Variants in FUT9 observed in about 807,000 individuals in gnomAD.
FUT9 encodes 4-galactosyl-N-acetylglucosaminide 3-alpha-L-fucosyltransferase 9.
Under a neutral mutation model 29.7 loss-of-function variants are expected in FUT9, and 15 were observed. That is an observed-to-expected ratio of 0.51 (90% CI 0.34 to 0.78). The LOEUF is 0.78. Ranked by LOEUF, FUT9 falls within the 30% of genes least tolerant of loss-of-function variation. The probability of loss-of-function intolerance (pLI) is 0.01; values close to 1 mark genes in which losing one functional copy is unlikely to be tolerated. For synonymous variants in FUT9, 169 were observed against 153.7 expected (o/e 1.10, Z -0.74); for missense variants, 319 against 425.4 (o/e 0.75, Z 2.20).
chr6:96,140,927 A>C (rs1266079274), intron 2 of FUT9, among the ~76,000 whole-genome samples: 1 of 152,230 alleles, frequency 6.6e-6, no homozygotes, highest in African/African-American at 2.4e-5. Context: ...GTTACATTTG[A>C]ATGATAAACA....
At chr6:96,143,910 T>A (rs1191152912) in intron 2 of FUT9, among the ~76,000 whole-genome samples, 1 of 152,102 alleles carries the variant, frequency 6.6e-6, no homozygotes, top group African/African-American at 2.4e-5. Flanking sequence ...CCCAACTGCT[T>A]TTAATTTTTA....
intron 1 of FUT9, chr6:96,037,196 G>A (rs976244043): frequency 1.3e-5 from 2 of 151,980 alleles, no homozygotes; most frequent in East Asian, 3.9e-4. Flanking sequence ...AGAGGCTTAT[G>A]AAGACCTAAT....
intron 1 of FUT9, among the ~76,000 whole-genome samples, chr6:96,060,183 A>G (rs1258082329): frequency 1.3e-5 from 2 of 152,188 alleles, no homozygotes; most frequent in African/African-American, 4.8e-5. Context: ...TTAGTGTCAA[A>G]CTGAACAGAT....
At position 96,214,575 on chromosome 6, in the gene FUT9, A is replaced by C. The variant is rs1381937627; in HGVS notation, c.*10340A>C. ...TAACAAAAATTATTCCATTTAATGA[A>C]GGGTTTGTTTTGTTTAGCTTTTCTC... On this transcript the variant is annotated 3_prime_UTR_variant, in exon 3 of 3. Transcript: ENST00000302103. 6.0e-6 allele frequency: 1 copy of C among 166,814 alleles called. No individual in the cohort carries two copies. Among genetic ancestry groups the C allele is most frequent in the African/African-American group, 2.4e-5 (1 of 41,438 alleles). 10.3% of individuals were successfully genotyped at this position (166,814 alleles called of 1,614,324 possible). A position where few individuals can be genotyped will look rare whatever the true frequency, so the allele number is the denominator to read the frequency against.
chr6:96,197,619 T>C (rs1343911830), intron 2 of FUT9, among the ~76,000 whole-genome samples: 1 of 152,154 alleles, frequency 6.6e-6, no homozygotes, highest in East Asian at 1.9e-4. Context: ...TTAGGAATGG[T>C]TTAATAGTAC....
At chr6:96,060,493 A>T (rs1377930738) in intron 1 of FUT9, among the ~76,000 whole-genome samples, 1 of 151,914 alleles carries the variant, frequency 6.6e-6, no homozygotes, top group East Asian at 1.9e-4. Flanking sequence ...TTTTATTCAC[A>T]TTAAAGTTTA....
At chr6:96,050,113 C>T (rs1216334446) in intron 1 of FUT9, among the ~76,000 whole-genome samples, 3 of 152,066 alleles carry the variant, frequency 2.0e-5, no homozygotes, top group African/African-American at 7.2e-5. Context: ...TGCTCATATG[C>T]ATGCTCCATC....
At chr6:96,164,978 T>G (rs972760206) in intron 2 of FUT9, among the ~76,000 whole-genome samples, 3 of 152,164 alleles carry the variant, frequency 2.0e-5, no homozygotes, top group African/African-American at 7.2e-5. Flanking sequence ...TTTCTATTAG[T>G]CAGAGATGGG....
At chr6:96,083,702 A>T (rs1464807858) in intron 1 of FUT9, among the ~76,000 whole-genome samples, 2 of 152,062 alleles carry the variant, frequency 1.3e-5, no homozygotes, top group Admixed American at 6.6e-5. Context: ...CCATTTATTG[A>T]TCTGAGCTTT....
intron 1 of FUT9, among the ~76,000 whole-genome samples, chr6:96,094,690 T>A (rs1206858156): frequency 6.6e-6 from 1 of 152,112 alleles, no homozygotes; most frequent in East Asian, 1.9e-4. Flanking sequence ...AGAAATAGCT[T>A]TTTTATTGCT....
chr6:96,028,331 G>T (rs766398432), intron 1 of FUT9, among the ~76,000 whole-genome samples: 4 of 151,476 alleles, frequency 2.6e-5, no homozygotes, highest in African/African-American at 4.8e-5. Flanking sequence ...TTAACTGTTC[G>T]ACTGGTACAA....
intron 2 of FUT9, among the ~76,000 whole-genome samples, chr6:96,139,669 C>G (rs1772425167): frequency 6.6e-6 from 1 of 152,170 alleles, no homozygotes; most frequent in Admixed American, 6.5e-5. Context: ...ACCCTCAATT[C>G]TTGACTTCTG....
intron 2 of FUT9, among the ~76,000 whole-genome samples, chr6:96,134,366 A>G (rs1278607772): frequency 6.6e-6 from 1 of 151,826 alleles, no homozygotes; most frequent in Non-Finnish European, 1.5e-5. Context: ...TAAGTCAATA[A>G]TACTGTTTTT....
chr6:96,091,805 T>G (rs1039124993), intron 1 of FUT9, among the ~76,000 whole-genome samples: 1 of 152,028 alleles, frequency 6.6e-6, no homozygotes, highest in Non-Finnish European at 1.5e-5. Flanking sequence ...ATTTAAAAAG[T>G]TGGTAAGGAG....
intron 1 of FUT9, among the ~76,000 whole-genome samples, chr6:96,017,250 A>G (rs1400704553): frequency 6.6e-6 from 1 of 152,194 alleles, no homozygotes; most frequent in Non-Finnish European, 1.5e-5. Flanking sequence ...TAAAAGAGCG[A>G]TATAGGAGGA....
At chr6:96,067,545 C>T (rs189647415) in intron 1 of FUT9, among the ~76,000 whole-genome samples, 7 of 152,062 alleles carry the variant, frequency 4.6e-5, no homozygotes, top group African/African-American at 1.4e-4. Context: ...TTAGTGGTTG[C>T]TTGAAAAAGC....
chr6:96,202,443 T>C (rs116944507), intron 2 of FUT9, among the ~76,000 whole-genome samples: 3,440 of 152,216 alleles, frequency 0.023, 43 homozygotes, highest in Middle Eastern at 0.031. Context: ...TGGTAGATAT[T>C]GGATGTACTA....
intron 2 of FUT9, among the ~76,000 whole-genome samples, chr6:96,157,693 T>G (rs1772810933): frequency 6.6e-6 from 1 of 152,158 alleles, no homozygotes; most frequent in Non-Finnish European, 1.5e-5. Context: ...AAAATCTTAT[T>G]TGACATGTTT....
intron 2 of FUT9, among the ~76,000 whole-genome samples, chr6:96,194,554 C>T (rs973594248): frequency 5.3e-5 from 8 of 151,758 alleles, no homozygotes; most frequent in African/African-American, 1.9e-4. Context: ...TGGCAGGAGT[C>T]GATGCTAGGT....
Sources: gnomAD v4.1 joint callset for allele counts (sites outside exome capture counted in the v4.1 genomes callset) on GRCh38, gnomAD v4.1.1 for gene constraint, MANE v1.5 for transcripts, NCBI Gene and HGNC (gene_info 2026-07-23, HGNC 2026-07-21) for gene names.